DNAAF5: variants seen among roughly 807,000 people sequenced by gnomAD.
DNAAF5 encodes HEAT repeat containing 2.
In DNAAF5, 64 loss-of-function variants were observed where a neutral mutation model predicts 75.8. The ratio of observed to expected loss-of-function variants is 0.84; its 90% CI spans 0.69 to 1.04. The LOEUF is 1.04. Among genes scored for constraint, DNAAF5 ranks in the 50% least tolerant of loss-of-function variants. DNAAF5 has a pLI of 0.00. For synonymous variants in DNAAF5, 657 were observed against 557.2 expected, an observed-to-expected ratio of 1.18 and a Z score of -2.52; for missense variants, 1,269 against 1,178.5, an observed-to-expected ratio of 1.08 and a Z score of -1.12.
rs1778674836 is a variant in DNAAF5 at position 774,175 on chromosome 7, A to G, written c.2059A>G (p.Ser687Gly). 3.1e-6 allele frequency: 5 copies of G among 1,610,652 alleles called. No homozygotes were observed. Among genetic ancestry groups the G allele is most frequent in the Non-Finnish European group, 4.2e-6 (5 of 1,179,698 alleles). ...AVSCLWALTSSEVLSAEQIRD... is the reference protein window; with the variant it reads ...AVSCLWALTSGEVLSAEQIRD... ...GTCCTGCCTCTGGGCGCTCACCAGCAGCGAGGTCCTGTCGGCAGAGCAGGT... is the reference window on the plus strand; with the variant it reads ...GTCCTGCCTCTGGGCGCTCACCAGCGGCGAGGTCCTGTCGGCAGAGCAGGT... The change falls in exon 10 of 13, where the codon AGC becomes GGC. Residue 687 changes from serine (S) to glycine (G), a missense_variant. By Grantham distance (56) the Ser-to-Gly change is moderately conservative. Transcript: ENST00000297440.
intron 4 of DNAAF5, among the ~76,000 whole-genome samples, chr7:745,499 GCA>G (rs551460802): frequency 1.9e-4 from 29 of 152,092 alleles, no homozygotes; most frequent in East Asian, 1.5e-3. Flanking sequence ...CATGCATATC[GCA>G]CACACGTGCA....
intron 4 of DNAAF5, among the ~76,000 whole-genome samples, chr7:753,296 G>T (rs1341767293): frequency 6.6e-6 from 1 of 152,108 alleles, no homozygotes; most frequent in Non-Finnish European, 1.5e-5. Flanking sequence ...CACTTCCCAG[G>T]TTCAGAAAGG....
chr7:769,317 C>T lies in DNAAF5; in HGVS notation c.1784-1154C>T, dbSNP rs554439005. 183 of 656,588 alleles carry T rather than the reference C, an allele frequency of 2.8e-4. No homozygotes were observed. In the African/African-American group the frequency reaches 2.9e-3, roughly 10 times the overall value. 40.7% of individuals were successfully genotyped at this position (656,588 alleles called of 1,614,324 possible). On this transcript the variant is annotated intron_variant, in intron 8 of 12. Transcript: ENST00000297440. ...AGTCCCCACCCTGAGCCTTCAGCTC[C>T]TGGGCCTGCAGGCTGAGCCTGGCAG...
rs1232523161 is a variant in DNAAF5, at chr7:763,934, G to A, written c.1743G>A (p.Ser581=). The change falls in exon 8 of 13, where the codon TCG becomes TCA. Residue 581 remains serine, a synonymous_variant. Coordinates refer to ENST00000297440, the MANE Select transcript of DNAAF5 (RefSeq NM_017802.4). ...TASHLDWTAH[S]PELLQFSVIV... ...CGCACCTTGACTGGACCGCACACTCGCCGGAGCTCCTGCAGTTCAGTGTCA... is the reference window on the plus strand; with the variant it reads ...CGCACCTTGACTGGACCGCACACTCACCGGAGCTCCTGCAGTTCAGTGTCA... 3.7e-6 allele frequency: 6 copies of A among 1,608,426 alleles called. No individual in the cohort carries two copies. The highest frequency in any genetic ancestry group is 2.7e-5 in the African/African-American group (2 of 74,934).
chr7:749,854 G>A (rs2128076418), intron 4 of DNAAF5, among the ~76,000 whole-genome samples: 1 of 151,968 alleles, frequency 6.6e-6, no homozygotes, highest in East Asian at 1.9e-4. Context: ...GCGCACCACC[G>A]CACCTGGATA....
intron 2 of DNAAF5, 112 bp from the exon 3 acceptor site, chr7:740,707 G>T (rs924878988): frequency 1.4e-6 from 2 of 1,458,486 alleles, no homozygotes; most frequent in Non-Finnish European, 1.9e-6. Context: ...GGACCTGGCC[G>T]TGCCTCTGCC....
At chr7:755,791 T>C (rs1782461286) in intron 5 of DNAAF5, among the ~76,000 whole-genome samples, 1 of 152,228 alleles carries the variant, frequency 6.6e-6, no homozygotes, top group Non-Finnish European at 1.5e-5. Flanking sequence ...CCAGGTTCCA[T>C]GTTATTTACA....
At chr7:784,609 G>A (rs1277779157) in intron 12 of DNAAF5, among the ~76,000 whole-genome samples, 4 of 152,022 alleles carry the variant, frequency 2.6e-5, no homozygotes, top group Admixed American at 2.6e-4. Context: ...CCCCTGACAC[G>A]TTTGCCTTCC....
chr7:767,099 T>C (rs1325122787), intron 8 of DNAAF5, among the ~76,000 whole-genome samples: 1 of 151,878 alleles, frequency 6.6e-6, no homozygotes, highest in African/African-American at 2.4e-5. Flanking sequence ...ATTAGCTGGG[T>C]GCGGTGGCGG....
intron 8 of DNAAF5, among the ~76,000 whole-genome samples, chr7:767,238 CAAAA>C (rs936022330): frequency 7.5e-5 from 5 of 66,420 alleles, no homozygotes; most frequent in African/African-American, 1.6e-4. Context: ...GACTCGGTCT[CAAAA>C]AAAAAAAAAA....
chr7:783,075 C>G (rs111817573), intron 12 of DNAAF5, among the ~76,000 whole-genome samples: 1 of 152,250 alleles, frequency 6.6e-6, no homozygotes, highest in African/African-American at 2.4e-5. Flanking sequence ...TGTGTGAGAG[C>G]TTGACTTGTA....
intron 4 of DNAAF5, among the ~76,000 whole-genome samples, chr7:749,128 G>T (rs2128076183): frequency 6.6e-6 from 1 of 152,292 alleles, no homozygotes; most frequent in South Asian, 2.1e-4. Flanking sequence ...GTGCTGGGAG[G>T]GTTGGGAGGG....
In DNAAF5 at chr7:729,734, G is replaced by A; in HGVS notation, c.667G>A (p.Val223Ile). Residue 223 changes from valine (V) to isoleucine (I), a missense_variant, in exon 2 of 13, where the codon GTC becomes ATC. Transcript: ENST00000297440. The stretch of plus-strand genomic sequence containing the variant: ...GACCATCTCCCACCAGCACTGGAAG[G>A]TCCGTGTGGCCGCCATTGAAGCCAC... The part of the protein sequence containing the change: ...MQTISHQHWK[V>I]RVAAIEATGA... 1 of 1,614,138 alleles carries A rather than the reference G, an allele frequency of 6.2e-7. No homozygotes were observed. The highest frequency in any genetic ancestry group is 8.5e-7 in the Non-Finnish European group (1 of 1,180,022).
At chr7:774,401 A>G (rs1029536269) in intron 10 of DNAAF5, among the ~76,000 whole-genome samples, 7 of 152,094 alleles carry the variant, frequency 4.6e-5, no homozygotes, top group Non-Finnish European at 1.0e-4. Context: ...AGCAGGCGGG[A>G]GAGCGGGAGC....
chr7:779,968 T>A lies in DNAAF5; in HGVS notation c.2255T>A (p.Leu752Gln). 1.9e-6 allele frequency: 3 copies of A among 1,614,164 alleles called. No individual in the cohort carries two copies. Among genetic ancestry groups the A allele is most frequent in the Non-Finnish European group, 2.5e-6 (3 of 1,180,008 alleles). Residue 752 changes from leucine to glutamine, a missense_variant, in exon 12 of 13, where the codon CTA becomes CAA. Physicochemically the swap from Leu to Gln is moderately radical, Grantham distance 113 (BLOSUM62 -2). Transcript: ENST00000297440. ...CTCCTTCCAGAACTCTTAAAACGCC[T>A]AGATGACGTGTCCAACGATGTGAGG... ...IRIYPELLKR[L>Q]DDVSNDVRMA...
At chr7:766,017 T>C (rs1782807817) in intron 8 of DNAAF5, among the ~76,000 whole-genome samples, 1 of 152,296 alleles carries the variant, frequency 6.6e-6, no homozygotes, top group Admixed American at 6.5e-5. Flanking sequence ...TTTGTAGACA[T>C]GGGGTCTCTT....
chr7:782,905 C>T (rs1235654815), intron 12 of DNAAF5, among the ~76,000 whole-genome samples: 2 of 152,264 alleles, frequency 1.3e-5, no homozygotes, highest in Non-Finnish European at 2.9e-5. Flanking sequence ...ACTCGATCTT[C>T]CTGGCGTGGC....
chr7:774,968 C>G (rs1778709091), intron 10 of DNAAF5, 38 bp from the exon 11 acceptor site: 2 of 1,608,964 alleles, frequency 1.2e-6, no homozygotes, highest in African/African-American at 2.7e-5. Flanking sequence ...CACCCCAGGA[C>G]AGATGTGAGT....
chr7:763,844 T>C lies in DNAAF5; in HGVS notation c.1653T>C (p.Gly551=), dbSNP rs201112772. The change falls in exon 8 of 13, where the codon GGT becomes GGC. Residue 551 remains glycine (G), a synonymous_variant. Coordinates refer to ENST00000297440, the MANE Select transcript of DNAAF5 (RefSeq NM_017802.4). ...TGGACTCACTGGCCATGGTGGAGGG[T>C]GTCAGCAGCTGCCAGGACCTCTACC... ...ETMDSLAMVE[G]VSSCQDLYRK... 2.0e-5 allele frequency: 33 copies of C among 1,613,330 alleles called. No homozygotes were observed. In the African/African-American group the frequency reaches 4.1e-4, roughly 20 times the overall value.
Sources: allele counts gnomAD v4.1 joint callset (sites outside exome capture counted in the v4.1 genomes callset), GRCh38; gene constraint gnomAD v4.1.1; transcripts MANE v1.5; gene names NCBI Gene and HGNC (gene_info 2026-07-23, HGNC 2026-07-21).